CCDC149: variants seen among roughly 807,000 people sequenced by gnomAD.
CCDC149 encodes coiled-coil domain containing 149.
A neutral mutation model predicts 59.9 loss-of-function variants in CCDC149; 45 were observed. The observed-to-expected ratio is 0.75, with a 90% confidence interval of 0.59 to 0.96. The LOEUF is 0.96. Ranked by LOEUF, CCDC149 falls within the 40% of genes least tolerant of loss-of-function variation. CCDC149 has a pLI of 0.00. For synonymous variants in CCDC149, 245 were observed against 260.6 expected (o/e 0.94, Z 0.58); for missense variants, 584 against 664.7 (o/e 0.88, Z 1.33).
In CCDC149 at chr4:24,912,904, C is replaced by A; in HGVS notation, c.-25G>T. The A allele has an allele frequency of 7.7e-7, 1 of 1,295,442 alleles. No homozygotes were observed. Among genetic ancestry groups the A allele is most frequent in the Non-Finnish European group, 1.0e-6 (1 of 998,198 alleles). 80.2% of individuals were successfully genotyped at this position (1,295,442 alleles called of 1,614,324 possible). On this transcript the variant is annotated 5_prime_UTR_variant, in exon 1 of 13. Coordinates refer to ENST00000635206, the MANE Select transcript of CCDC149 (RefSeq NM_001330643.2). Reference sequence around the variant, plus strand: ...TGCGCTGGCCGGCCTCCTGGACCCCCGCCGCCTCCTCCTCCTCGCGACGTC... The same window carrying A: ...TGCGCTGGCCGGCCTCCTGGACCCCAGCCGCCTCCTCCTCCTCGCGACGTC...
intron 1 of CCDC149, among the ~76,000 whole-genome samples, chr4:24,935,304 G>A (rs1418151653): frequency 8.5e-5 from 13 of 152,092 alleles, no homozygotes; most frequent in Admixed American, 5.9e-4. Flanking sequence ...TTTCTGGAAT[G>A]GAAAAGACAC....
intron 1 of CCDC149, among the ~76,000 whole-genome samples, chr4:24,920,029 C>T (rs1722239620): frequency 6.6e-6 from 1 of 152,168 alleles, no homozygotes; most frequent in African/African-American, 2.4e-5. Flanking sequence ...GTGGCTACAG[C>T]CTGGAACTTT....
chr4:24,839,442 G>T (rs1716798239), intron 4 of CCDC149, among the ~76,000 whole-genome samples: 1 of 152,130 alleles, frequency 6.6e-6, no homozygotes, highest in African/African-American at 2.4e-5. Flanking sequence ...GCCTCCCAAA[G>T]TGCTGGGATT....
In CCDC149 at chr4:24,837,978, A is replaced by T. The variant is rs905219895; in HGVS notation, c.489+178T>A. ...AGCAGGGAGCAGACCTGCCTGCTGGAGGCCAGAAACCCAAGAGTCAGCTTG... is the reference window on the plus strand; with the variant it reads ...AGCAGGGAGCAGACCTGCCTGCTGGTGGCCAGAAACCCAAGAGTCAGCTTG... On this transcript the variant is annotated intron_variant, in intron 5 of 12. Transcript: ENST00000635206. This position sits in a 1 kb window ranked among gnomAD's most constrained non-coding sequence, Gnocchi z 4.3. 2.6e-5 allele frequency among the ~76,000 whole-genome samples: 4 copies of T among 152,318 alleles called. No individual in the cohort carries two copies. Among genetic ancestry groups the T allele is most frequent in the African/African-American group, 9.6e-5 (4 of 41,562 alleles).
upstream of CCDC149, among the ~76,000 whole-genome samples, chr4:24,915,369 T>C (rs1420802208): frequency 6.6e-6 from 1 of 152,228 alleles, no homozygotes; most frequent in Non-Finnish European, 1.5e-5. Flanking sequence ...TCTGCCTGCA[T>C]TCAGGTGGGA....
At chr4:24,946,985 C>A (rs551090584) in intron 1 of CCDC149, among the ~76,000 whole-genome samples, 23 of 152,274 alleles carry the variant, frequency 1.5e-4, no homozygotes, top group African/African-American at 5.3e-4. Context: ...CAATGCTTTC[C>A]TAAAGTCGAT....
intron 1 of CCDC149, among the ~76,000 whole-genome samples, chr4:24,942,390 C>T (rs191264082): frequency 9.2e-5 from 14 of 152,208 alleles, no homozygotes; most frequent in Non-Finnish European, 1.9e-4. Context: ...ATTGATGAGA[C>T]GTATCTCAAA....
chr4:24,973,992 G>T (rs1374458100), intron 1 of CCDC149, among the ~76,000 whole-genome samples: 2 of 152,266 alleles, frequency 1.3e-5, no homozygotes, highest in African/African-American at 4.8e-5. Flanking sequence ...TGTTTCGCAA[G>T]AGTCACGGTC....
chr4:24,972,228 C>T (rs574564537), intron 1 of CCDC149, among the ~76,000 whole-genome samples: 2 of 152,156 alleles, frequency 1.3e-5, no homozygotes, highest in South Asian at 4.1e-4. Context: ...CACAGGAAAA[C>T]CCTGGCTATC....
In CCDC149 at chr4:24,875,138, C is replaced by T. The variant is rs375386188; in HGVS notation, c.225+1398G>A. ...CCTGGCTAACAAGGTGAAACCCCAT[C>T]TCTACTAAGGTGAAACCCCGTCTCT... On this transcript the variant is annotated intron_variant, in intron 2 of 12. Coordinates refer to ENST00000635206, the MANE Select transcript of CCDC149 (RefSeq NM_001330643.2). 2.0e-5 allele frequency among the ~76,000 whole-genome samples: 3 copies of T among 152,180 alleles called. No individual in the cohort carries two copies. In the East Asian group the frequency reaches 5.8e-4, roughly 29 times the overall value.
At chr4:24,930,850 A>T (rs560411399) in intron 1 of CCDC149, among the ~76,000 whole-genome samples, 47 of 152,286 alleles carry the variant, frequency 3.1e-4, no homozygotes, top group African/African-American at 1.1e-3. Context: ...ACTTTTTTTG[A>T]TACTAACTTA....
intron 8 of CCDC149, among the ~76,000 whole-genome samples, chr4:24,832,010 T>C (rs1716185657): frequency 6.6e-6 from 1 of 152,176 alleles, no homozygotes; most frequent in African/African-American, 2.4e-5. Context: ...AAGGCACAGA[T>C]GGGTTAAGAA....
intron 1 of CCDC149, among the ~76,000 whole-genome samples, chr4:24,948,752 A>G (rs889736597): frequency 2.0e-5 from 3 of 152,054 alleles, no homozygotes; most frequent in African/African-American, 7.2e-5. Context: ...CCAAATCTTG[A>G]ATTGTAGTTC....
intron 3 of CCDC149, among the ~76,000 whole-genome samples, chr4:24,860,262 C>A (rs937170494): frequency 6.6e-6 from 1 of 152,128 alleles, no homozygotes; most frequent in Non-Finnish European, 1.5e-5. Context: ...ATCAATGGAG[C>A]AGAATAGAGA....
intron 1 of CCDC149, among the ~76,000 whole-genome samples, chr4:24,877,497 T>C (rs1719536617): frequency 6.6e-6 from 1 of 152,008 alleles, no homozygotes; most frequent in Non-Finnish European, 1.5e-5. Flanking sequence ...GTAGTTTTTA[T>C]TGTAAAAAAA....
intron 1 of CCDC149, among the ~76,000 whole-genome samples, chr4:24,899,901 G>A (rs771011831): frequency 2.3e-4 from 35 of 152,254 alleles, no homozygotes; most frequent in Non-Finnish European, 4.6e-4. Flanking sequence ...GAGACCAGAT[G>A]ATCTGAGATT....
rs1719621071 is a variant in CCDC149, at chr4:24,878,514, C to T, written c.64-1817G>A. Among the ~76,000 whole-genome samples, 3 of 152,180 alleles carry T rather than the reference C, an allele frequency of 2.0e-5. No individual in the cohort carries two copies. In the South Asian group the frequency reaches 6.2e-4, roughly 32 times the overall value. On this transcript the variant is annotated intron_variant, in intron 1 of 12. Transcript: ENST00000635206. ...TCAGAAACCCAAACTGCAGTGTCCT[C>T]AGGGGCGTATTGAGATTTCACAGGA...
intron 9 of CCDC149, 57 bp downstream of exon 9, chr4:24,831,448 GT>G: frequency 6.3e-7 from 1 of 1,582,632 alleles, no homozygotes; most frequent in African/African-American, 1.3e-5. Context: ...TTCACTTCTG[GT>G]AGCCTCGTCC....
downstream of CCDC149, among the ~76,000 whole-genome samples, chr4:24,803,904 G>T (rs1044463670): frequency 1.3e-5 from 2 of 152,140 alleles, no homozygotes; most frequent in Admixed American, 1.3e-4. This position sits in a 1 kb window ranked among gnomAD's most constrained non-coding sequence, Gnocchi z 4.3. Context: ...TTTGTTTTGG[G>T]AAGCAACCAT....
Sources: gnomAD v4.1 joint callset for allele counts (sites outside exome capture counted in the v4.1 genomes callset) on GRCh38, gnomAD v4.1.1 for gene constraint, Gnocchi (gnomAD v3.1) non-coding constraint, MANE v1.5 for transcripts, NCBI Gene and HGNC (gene_info 2026-07-23, HGNC 2026-07-21) for gene names.